HDAC4: variants seen among roughly 807,000 people sequenced by gnomAD.
The protein encoded by HDAC4 is histone deacetylase A.
HDAC4 carries 16 observed loss-of-function variants against 135.1 expected under a neutral mutation model. The ratio of observed to expected loss-of-function variants is 0.12; its 90% CI spans 0.08 to 0.18. HDAC4 has a LOEUF of 0.18. Ranked by LOEUF, HDAC4 falls within the 10% of genes least tolerant of loss-of-function variation. The pLI is 1.00. For synonymous variants in HDAC4, 685 were observed against 653.4 expected, an observed-to-expected ratio of 1.05 and a Z score of -0.74; for missense variants, 1,143 against 1,511.8, an observed-to-expected ratio of 0.76 and a Z score of 4.05.
intron 12 of HDAC4, among the ~76,000 whole-genome samples, chr2:239,117,104 TAGTGGGGCAA>T (rs2039206563): frequency 6.6e-6 from 1 of 152,026 alleles, no homozygotes; most frequent in Admixed American, 6.6e-5. Flanking sequence ...GGTGTCCGCG[TAGTGGGGCAA>T]AGTGGAACAG....
At chr2:239,324,229 G>A (rs1391162290) in intron 2 of HDAC4, among the ~76,000 whole-genome samples, 1 of 152,086 alleles carries the variant, frequency 6.6e-6, no homozygotes, top group Non-Finnish European at 1.5e-5. Flanking sequence ...ACACGCAAAG[G>A]CAAAAATGTA....
chr2:239,297,559 C>T (rs1374800417), intron 2 of HDAC4, among the ~76,000 whole-genome samples: 6 of 152,216 alleles, frequency 3.9e-5, no homozygotes, highest in Admixed American at 1.3e-4. Context: ...GTTTCCTTAA[C>T]GGAGGGAATC....
At chr2:239,194,037 G>A (rs138250828) in intron 3 of HDAC4, among the ~76,000 whole-genome samples, 110 of 152,278 alleles carry the variant, frequency 7.2e-4, no homozygotes, top group African/African-American at 2.6e-3. Context: ...GTGGGCCAAG[G>A]GCCCCCACCA....
chr2:239,346,867 AAACACACACACCCT>A (rs1365781065), intron 2 of HDAC4, among the ~76,000 whole-genome samples: 4 of 146,414 alleles, frequency 2.7e-5, no homozygotes, highest in Non-Finnish European at 3.0e-5. Context: ...ACCCTATCTA[AAACACACACACCCT>A]AACACACACA....
In HDAC4 at chr2:239,115,270, C is replaced by G; in HGVS notation, c.1574G>C (p.Ser525Thr). 2 of 1,613,336 alleles carry G rather than the reference C, an allele frequency of 1.2e-6. No homozygotes were observed. Among genetic ancestry groups the G allele is most frequent in the Non-Finnish European group, 1.7e-6 (2 of 1,179,944 alleles). ...CTCCTCCTCCGTCTCCTCCGGGTGG[C>G]TCTCCGGCTGCCGGGCTGGCTCGCT... The part of the protein sequence containing the change: ...KPSEPARQPE[S>T]HPEETEEELR... Residue 525 changes from serine (S) to threonine (T), a missense_variant, in exon 13 of 27, where the codon AGC becomes ACC. Transcript: ENST00000543185. This position sits in a 1 kb window ranked among gnomAD's most constrained non-coding sequence, Gnocchi z 6.3.
chr2:239,170,714 C>T (rs1012308500), intron 5 of HDAC4, among the ~76,000 whole-genome samples: 1 of 152,190 alleles, frequency 6.6e-6, no homozygotes, highest in Non-Finnish European at 1.5e-5. Context: ...TGTGAAGGCA[C>T]AGAGAACAAC....
chr2:239,186,822 GTCT>G (rs1399025923), intron 4 of HDAC4: 1 of 152,262 alleles, frequency 6.6e-6, no homozygotes, highest in Non-Finnish European at 1.5e-5. Context: ...CAACTCAAGT[GTCT>G]TCTTTATGTC....
At chr2:239,142,609 G>A (rs1024943034) in intron 8 of HDAC4, among the ~76,000 whole-genome samples, 4 of 146,612 alleles carry the variant, frequency 2.7e-5, no homozygotes, top group African/African-American at 5.5e-5. Flanking sequence ...CACTGATCAC[G>A]CCCTGCCACG....
chr2:239,132,346 A>T (rs976591831), intron 11 of HDAC4, among the ~76,000 whole-genome samples: 1 of 152,232 alleles, frequency 6.6e-6, no homozygotes, highest in East Asian at 1.9e-4. Context: ...CACACGTGAC[A>T]CTGGCTCCGA....
At chr2:239,076,929 C>G (rs1451868340) in intron 22 of HDAC4, among the ~76,000 whole-genome samples, 2 of 152,216 alleles carry the variant, frequency 1.3e-5, no homozygotes, top group African/African-American at 4.8e-5. Flanking sequence ...CGAGACCTCA[C>G]CAAGTGCCCT....
chr2:239,322,922 G>T (rs753145921), intron 2 of HDAC4, among the ~76,000 whole-genome samples: 2 of 152,172 alleles, frequency 1.3e-5, no homozygotes, highest in African/African-American at 2.4e-5. Context: ...CAAACCCAGC[G>T]CTGCTGCGGG....
intron 2 of HDAC4, among the ~76,000 whole-genome samples, chr2:239,293,594 C>T (rs1418749742): frequency 6.6e-6 from 1 of 152,202 alleles, no homozygotes; most frequent in Non-Finnish European, 1.5e-5. Context: ...GCCCGAGGCC[C>T]ACCTGCTTAT....
chr2:239,229,561 T>C (rs1357182704), intron 3 of HDAC4, among the ~76,000 whole-genome samples: 1 of 152,246 alleles, frequency 6.6e-6, no homozygotes, highest in East Asian at 1.9e-4. Flanking sequence ...TCAGGAAGTC[T>C]GTGCCTGAGG....
At chr2:239,251,758 C>A (rs1408889347) in intron 2 of HDAC4, among the ~76,000 whole-genome samples, 1 of 151,978 alleles carries the variant, frequency 6.6e-6, no homozygotes, top group African/African-American at 2.4e-5. Flanking sequence ...TCAAGATAAT[C>A]ACATCATTAT....
chr2:239,165,269 T>G (rs2043056724), intron 5 of HDAC4, among the ~76,000 whole-genome samples: 1 of 152,154 alleles, frequency 6.6e-6, no homozygotes, highest in Admixed American at 6.5e-5. Context: ...GCTGACCCCC[T>G]GAACCACCCA....
At chr2:239,067,027 C>G (rs1163320684) in intron 23 of HDAC4, 172 bp from the exon 24 acceptor site, 1 of 743,940 alleles carries the variant, frequency 1.3e-6, no homozygotes, top group East Asian at 2.7e-5. Flanking sequence ...TTTGGATTTC[C>G]TCTTTGATCT....
chr2:239,368,997 C>G (rs1389239879), intron 1 of HDAC4, among the ~76,000 whole-genome samples: 1 of 152,082 alleles, frequency 6.6e-6, no homozygotes, highest in Non-Finnish European at 1.5e-5. Flanking sequence ...AATGCCAACC[C>G]CACGGGTGAC....
At chr2:239,398,957 G>A (rs996352706) in intron 1 of HDAC4, among the ~76,000 whole-genome samples, 4 of 152,338 alleles carry the variant, frequency 2.6e-5, no homozygotes, top group African/African-American at 9.6e-5. Context: ...GCTCTCTTTA[G>A]GATGGGATTT....
intron 2 of HDAC4, among the ~76,000 whole-genome samples, chr2:239,288,565 A>T (rs932677727): frequency 1.1e-4 from 16 of 152,138 alleles, no homozygotes; most frequent in Non-Finnish European, 1.6e-4. Context: ...ACAGAAAAAA[A>T]TTTTTAGAAA....
Sources: allele counts gnomAD v4.1 joint callset (sites outside exome capture counted in the v4.1 genomes callset), GRCh38; gene constraint gnomAD v4.1.1; non-coding constraint Gnocchi (gnomAD v3.1); transcripts MANE v1.5; gene names NCBI Gene and HGNC (gene_info 2026-07-23, HGNC 2026-07-21).